NOL4L: variants seen among roughly 807,000 people sequenced by gnomAD.
The protein encoded by NOL4L is nucleolar protein 4-like.
Under a neutral mutation model 64.5 loss-of-function variants are expected in NOL4L, and 7 were observed. The observed-to-expected ratio is 0.11, with a 90% confidence interval of 0.06 to 0.20. The LOEUF (loss-of-function observed/expected upper bound fraction) is 0.20. Among genes scored for constraint, NOL4L ranks in the 10% least tolerant of loss-of-function variants. NOL4L has a pLI of 1.00. For synonymous variants in NOL4L, 413 were observed against 401.0 expected, an observed-to-expected ratio of 1.03 and a Z score of -0.36; for missense variants, 680 against 967.1, an observed-to-expected ratio of 0.70 and a Z score of 3.94.
intron 3 of NOL4L, among the ~76,000 whole-genome samples, chr20:32,513,933 G>A (rs535933854): frequency 1.4e-4 from 22 of 152,270 alleles, no homozygotes; most frequent in African/African-American, 5.3e-4. Flanking sequence ...AGGAAAAAAA[G>A]TCTGCCAACA....
chr20:32,539,441 G>A (rs1378205102), intron 1 of NOL4L, among the ~76,000 whole-genome samples: 1 of 152,168 alleles, frequency 6.6e-6, no homozygotes, highest in Non-Finnish European at 1.5e-5. Flanking sequence ...GGCTCTCTGA[G>A]TCTCACTCCC....
chr20:32,567,287 C>T (rs890554790), intron 1 of NOL4L, among the ~76,000 whole-genome samples: 2 of 152,210 alleles, frequency 1.3e-5, no homozygotes, highest in African/African-American at 2.4e-5. Flanking sequence ...CTCTCCATCC[C>T]GGTTCCCAGA....
intron 1 of NOL4L, among the ~76,000 whole-genome samples, chr20:32,547,975 G>C (rs1031424317): frequency 2.6e-5 from 4 of 152,094 alleles, no homozygotes; most frequent in Admixed American, 2.0e-4. Context: ...TCTCTCCCCA[G>C]GAATCCTTCC....
intron 1 of NOL4L, among the ~76,000 whole-genome samples, chr20:32,537,903 C>T (rs376645977): frequency 1.3e-4 from 20 of 152,108 alleles, no homozygotes; most frequent in Admixed American, 3.3e-4. Context: ...TACAGCCTCC[C>T]GAGTAGCTGG....
At chr20:32,545,110 G>A (rs569160127) in intron 1 of NOL4L, among the ~76,000 whole-genome samples, 2 of 152,048 alleles carry the variant, frequency 1.3e-5, no homozygotes, top group Admixed American at 1.3e-4. Context: ...GTTTGTTGCT[G>A]ATACTTAAAA....
chr20:32,538,772 C>T (rs999966202), intron 1 of NOL4L, among the ~76,000 whole-genome samples: 35 of 152,182 alleles, frequency 2.3e-4, no homozygotes, highest in Admixed American at 2.0e-3. Context: ...CAGCGGCAGG[C>T]GGGTGCCGTC....
intron 1 of NOL4L, among the ~76,000 whole-genome samples, chr20:32,579,137 A>G (rs756334834): frequency 2.6e-5 from 4 of 152,222 alleles, no homozygotes; most frequent in Non-Finnish European, 5.9e-5. Flanking sequence ...CAGATCTCAC[A>G]TGAGTGCAAG....
At chr20:32,548,608 A>G (rs1481544298) in intron 1 of NOL4L, 2 of 268,862 alleles carry the variant, frequency 7.4e-6, no homozygotes, top group Admixed American at 1.1e-4. Flanking sequence ...AACCTCGGTC[A>G]TCACACGAAT....
intron 1 of NOL4L, among the ~76,000 whole-genome samples, chr20:32,566,814 G>C (rs982492453): frequency 4.6e-5 from 7 of 152,166 alleles, no homozygotes; most frequent in Non-Finnish European, 1.0e-4. Flanking sequence ...GCATTTACCA[G>C]CGTCTGACAC....
intron 1 of NOL4L, among the ~76,000 whole-genome samples, chr20:32,538,389 G>C (rs1370066285): frequency 6.6e-6 from 1 of 152,120 alleles, no homozygotes; most frequent in Non-Finnish European, 1.5e-5. Flanking sequence ...GTGGCGGCGG[G>C]TGTCTGGGGC....
At chr20:32,456,476 T>A (rs2013541383) in intron 5 of NOL4L, 81 bp from the exon 6 acceptor site, 1 of 1,328,314 alleles carries the variant, frequency 7.5e-7, no homozygotes. Context: ...CCACCCTGTG[T>A]CCTCCTCATG....
chr20:32,455,668 A>AGT (rs1245399380), intron 6 of NOL4L, among the ~76,000 whole-genome samples: 1 of 152,122 alleles, frequency 6.6e-6, no homozygotes, highest in Non-Finnish European at 1.5e-5. Context: ...TCAAAGGAGG[A>AGT]GTTCCACTGC....
intron 10 of NOL4L, among the ~76,000 whole-genome samples, chr20:32,450,762 C>T (rs2041910071): frequency 6.6e-6 from 1 of 152,266 alleles, no homozygotes; most frequent in East Asian, 1.9e-4. Flanking sequence ...ACCTGCTGAG[C>T]CCCAGACCCC....
At chr20:32,492,933 T>C (rs568771862) in intron 4 of NOL4L, among the ~76,000 whole-genome samples, 1 of 152,206 alleles carries the variant, frequency 6.6e-6, no homozygotes, top group South Asian at 2.1e-4. Flanking sequence ...CCTGCTAAGG[T>C]GAGACCACTG....
intron 4 of NOL4L, among the ~76,000 whole-genome samples, chr20:32,506,619 C>T (rs2017151511): frequency 6.6e-6 from 1 of 152,122 alleles, no homozygotes. Context: ...CGAGATCGCG[C>T]CATTGCACTC....
At chr20:32,505,127 C>T (rs915584828) in intron 4 of NOL4L, among the ~76,000 whole-genome samples, 1 of 152,156 alleles carries the variant, frequency 6.6e-6, no homozygotes, top group African/African-American at 2.4e-5. Context: ...TTGGGTTCTC[C>T]ATGGTAAGAA....
chr20:32,457,947 T>A (rs1429298929), intron 5 of NOL4L, among the ~76,000 whole-genome samples: 1 of 152,196 alleles, frequency 6.6e-6, no homozygotes, highest in Admixed American at 6.5e-5. Context: ...GGAAACAAAG[T>A]AATGACTGCA....
chr20:32,474,462 C>T, intron 5 of NOL4L, 139 bp downstream of exon 5: 1 of 1,021,544 alleles, frequency 9.8e-7, no homozygotes, highest in Non-Finnish European at 1.4e-6. Flanking sequence ...GGGGGCAGTG[C>T]AAGCTTGGGC....
chr20:32,524,765 A>G (rs146366348), intron 2 of NOL4L, among the ~76,000 whole-genome samples: 104 of 152,270 alleles, frequency 6.8e-4, no homozygotes, highest in Middle Eastern at 3.4e-3. Context: ...GTGGGGCTGA[A>G]GAGCTAGGTA....
Sources: allele counts gnomAD v4.1 joint callset (sites outside exome capture counted in the v4.1 genomes callset), GRCh38; gene constraint gnomAD v4.1.1; transcripts MANE v1.5; gene names NCBI Gene and HGNC (gene_info 2026-07-23, HGNC 2026-07-21).